Variants in PAX6 observed in about 807,000 individuals in gnomAD.
PAX6 encodes paired box 6.
In PAX6, 7 loss-of-function variants were observed where a neutral mutation model predicts 60.7. The ratio of observed to expected loss-of-function variants is 0.12; its 90% CI spans 0.07 to 0.22. PAX6 has a LOEUF of 0.22. Among genes scored for constraint, PAX6 ranks in the 10% least tolerant of loss-of-function variants. PAX6 has a pLI of 1.00. For synonymous variants in PAX6, 208 were observed against 201.2 expected, an observed-to-expected ratio of 1.03 and a Z score of -0.29; for missense variants, 355 against 555.2, an observed-to-expected ratio of 0.64 and a Z score of 3.62.
chr11:31,815,488 G>C (rs1360616337), upstream of PAX6, among the ~76,000 whole-genome samples: 1 of 152,136 alleles, frequency 6.6e-6, no homozygotes, highest in Non-Finnish European at 1.5e-5. Context: ...ACAGGCAGGC[G>C]GGAACTGGGG....
Position 31,794,089 on chromosome 11 carries a change from A to G in PAX6, c.750T>C (p.Asp250=), listed in dbSNP as rs1015899528. 2 of 1,610,396 alleles carry G rather than the reference A, an allele frequency of 1.2e-6. No individual in the cohort carries two copies. Among genetic ancestry groups the G allele is most frequent in the Non-Finnish European group, 1.7e-6 (2 of 1,176,596 alleles). ...CTGCTAGTCTTTCTCGGGCAAACAC[A>G]TCTGGATAATGGGTTCTCTCAAACT... ...EKEFERTHYP[D]VFARERLAAK... Residue 250 remains aspartate (D), a synonymous_variant, in exon 10 of 14, where the codon GAT becomes GAC. Coordinates refer to ENST00000640368, the MANE Select transcript of PAX6 (RefSeq NM_001368894.2).
At chr11:31,815,379 A>G (rs1957330787), upstream of PAX6, among the ~76,000 whole-genome samples, 1 of 152,112 alleles carries the variant, frequency 6.6e-6, no homozygotes, top group Non-Finnish European at 1.5e-5. Flanking sequence ...AGTCAAGGCC[A>G]CCTCAGTCCC....
intron 8 of PAX6, among the ~76,000 whole-genome samples, chr11:31,799,398 G>C (rs1200826080): frequency 6.6e-6 from 1 of 152,162 alleles, no homozygotes; most frequent in African/African-American, 2.4e-5. Context: ...TATCTTCCCA[G>C]TGTCCGTCCT....
Position 31,802,690 on chromosome 11 carries a change from G to T in PAX6, c.141+14C>A, listed in dbSNP as rs1954460618. 6.2e-7 allele frequency: 1 copy of T among 1,607,974 alleles called. No individual in the cohort carries two copies. The highest frequency in any genetic ancestry group is 8.5e-7 in the Non-Finnish European group (1 of 1,177,006). The stretch of plus-strand genomic sequence containing the variant: ...CCGCGGGGGCGGCGAGTGGGGCGGC[G>T]CCGGGAGGATCACCTGCAGAATTCG... On this transcript the variant is annotated intron_variant, in intron 5 of 13. Coordinates refer to ENST00000640368, the MANE Select transcript of PAX6 (RefSeq NM_001368894.2).
At chr11:31,815,784 A>C (rs1234889681), upstream of PAX6, among the ~76,000 whole-genome samples, 2 of 151,908 alleles carry the variant, frequency 1.3e-5, no homozygotes, top group African/African-American at 4.8e-5. Flanking sequence ...AAAAAAAAAA[A>C]AAAGTATTTT....
At chr11:31,796,367 A>C (rs968706452) in intron 8 of PAX6, among the ~76,000 whole-genome samples, 11 of 152,102 alleles carry the variant, frequency 7.2e-5, no homozygotes, top group Non-Finnish European at 1.5e-4. Context: ...CAAGAAGCCC[A>C]GTCAACAGAC....
intron 6 of PAX6, 46 bp downstream of exon 6, chr11:31,801,825 C>T: frequency 6.2e-7 from 1 of 1,613,988 alleles, no homozygotes; most frequent in African/African-American, 1.3e-5. Flanking sequence ...AATTTCAAGA[C>T]AAAAATAAAA....
intron 4 of PAX6, 134 bp from the exon 5 acceptor site, chr11:31,802,968 A>G: frequency 1.1e-6 from 1 of 929,426 alleles, no homozygotes; most frequent in Non-Finnish European, 1.7e-6. Context: ...GGGAAGAGGA[A>G]GAAGGAGAGG....
At chr11:31,802,028 T>G in intron 5 of PAX6, 116 bp from the exon 6 acceptor site, 2 of 882,380 alleles carry the variant, frequency 2.3e-6, no homozygotes, top group South Asian at 1.6e-5. Flanking sequence ...TTCAAACAAT[T>G]TGAACTAAAA....
chr11:31,817,087 A>C (rs754114691), intron 1 of PAX6, among the ~76,000 whole-genome samples: 6 of 152,184 alleles, frequency 3.9e-5, no homozygotes, highest in Non-Finnish European at 8.8e-5. Context: ...CCCGGCTCCC[A>C]TGGCGCCCGC....
upstream of PAX6, chr11:31,811,935 C>T (rs1481870829): frequency 1.3e-5 from 2 of 152,306 alleles, no homozygotes; most frequent in Admixed American, 1.3e-4. Flanking sequence ...TAAACGAGGC[C>T]AGAGGCCTCC....
Position 31,794,547 on chromosome 11 carries a change from C to A in PAX6, c.724+83G>T, listed in dbSNP as rs985595520. The A allele has an allele frequency of 3.3e-5, 45 of 1,370,828 alleles. No individual in the cohort carries two copies. The South Asian group carries it at 5.0e-4, about 15-fold the overall frequency. 84.9% of individuals were successfully genotyped at this position (1,370,828 alleles called of 1,614,324 possible). A position where few individuals can be genotyped will look rare whatever the true frequency, so the allele number is the denominator to read the frequency against. ...TCTTTTCATTCTTCTATGCAAAGGGCCCTGGCTAAATTTAGCTCTTTGTAC... is the reference window on the plus strand; with the variant it reads ...TCTTTTCATTCTTCTATGCAAAGGGACCTGGCTAAATTTAGCTCTTTGTAC... On this transcript the variant is annotated intron_variant, in intron 9 of 13. Transcript: ENST00000640368.
intron 8 of PAX6, among the ~76,000 whole-genome samples, chr11:31,799,124 C>T (rs1952687012): frequency 6.6e-6 from 1 of 152,230 alleles, no homozygotes; most frequent in Non-Finnish European, 1.5e-5. Flanking sequence ...GTTCGGGTGT[C>T]ACTTGGGTGT....
At chr11:31,814,178 C>G (rs1340256616), upstream of PAX6, 4 of 152,146 alleles carry the variant, frequency 2.6e-5, no homozygotes, top group African/African-American at 9.7e-5. Flanking sequence ...CTCAGGCCGG[C>G]GGGTGCGTTC....
chr11:31,817,407 C>T (rs1055080860), intron 1 of PAX6, among the ~76,000 whole-genome samples: 1 of 152,228 alleles, frequency 6.6e-6, no homozygotes, highest in African/African-American at 2.4e-5. Flanking sequence ...ACGGACTTTC[C>T]CAAGCGTGGA....
Position 31,790,836 on chromosome 11 carries a change from A to C in PAX6, c.1099T>G (p.Ser367Ala), listed in dbSNP as rs373661718. 7 of 1,614,110 alleles carry C rather than the reference A, an allele frequency of 4.3e-6. No homozygotes were observed. The highest frequency in any genetic ancestry group is 1.3e-5 in the African/African-American group (1 of 75,040). Residue 367 changes from serine to alanine, a missense_variant, in exon 13 of 14, where the codon TCA (serine) becomes GCA (alanine). Ser to Ala is a moderately conservative substitution (Grantham distance 99). This residue lies in a region of PAX6 where 149 missense variants were observed against 191.9 expected (regional missense o/e 0.78). Transcript: ENST00000640368. ...MQPPVPSQTS[S>A]YSCMLPTSPS... ...CTGGTGGGCAGCATGCAGGAGTATG[A>C]GGAGGTCTGGCTGGGGACTGGGGGC... is the stretch of plus-strand genomic sequence containing the variant.
In PAX6 at chr11:31,801,684, T is replaced by C. The variant is rs750195797; in HGVS notation, c.276A>G (p.Val92=). Residue 92 remains valine (V), a synonymous_variant, in exon 7 of 14, where the codon GTA becomes GTG. Transcript: ENST00000640368. ...TTTTGCTTACAACTTCTGGAGTCGC[T>C]ACTCTCGGTTTACTACCACCGATTG... The part of the protein sequence containing the change: ...PRAIGGSKPR[V]ATPEVVSKIA... The C allele has an allele frequency of 3.6e-5, 58 of 1,614,052 alleles. No individual in the cohort carries two copies. The highest frequency in any genetic ancestry group is 4.4e-5 in the Non-Finnish European group (52 of 1,180,038).
At chr11:31,793,599 C>T (rs777945223) in intron 11 of PAX6, 46 bp from the exon 12 acceptor site, 27 of 1,613,368 alleles carry the variant, frequency 1.7e-5, no homozygotes, top group African/African-American at 2.7e-5. Flanking sequence ...AGTCAGAGCC[C>T]GGAGCAAACA....
upstream of PAX6, chr11:31,811,530 G>T (rs1312338212): frequency 4.9e-5 from 13 of 266,034 alleles, no homozygotes; most frequent in Non-Finnish European, 9.2e-5. Context: ...GCGCTCGCCT[G>T]CATCTCCCCG....
Sources: gnomAD v4.1 joint callset for allele counts (sites outside exome capture counted in the v4.1 genomes callset) on GRCh38, gnomAD v4.1.1 for gene constraint, gnomAD v4.1.1 regional missense constraint, MANE v1.5 for transcripts, NCBI Gene and HGNC (gene_info 2026-07-23, HGNC 2026-07-21) for gene names.